The following AKAP13 variants were observed in gnomAD, a reference collection of about 807,000 sequenced individuals.
The protein encoded by AKAP13 is A-kinase anchoring protein 13.
A neutral mutation model predicts 264.5 loss-of-function variants in AKAP13; 80 were observed. The observed-to-expected ratio is 0.30, with a 90% CI of 0.25 to 0.36. The LOEUF (loss-of-function observed/expected upper bound fraction) is 0.36. AKAP13 is among the 10% of genes least tolerant of loss of function. AKAP13 has a pLI of 1.00. For synonymous variants in AKAP13, 1,380 were observed against 1,250.2 expected (o/e 1.10, Z -2.19); for missense variants, 3,712 against 3,435.2 (o/e 1.08, Z -2.01).
At chr15:85,381,476 C>A (rs1294561617) in intron 1 of AKAP13, among the ~76,000 whole-genome samples, 1 of 140,400 alleles carries the variant, frequency 7.1e-6, no homozygotes, top group African/African-American at 2.5e-5. Context: ...TACTTTGATA[C>A]CAAACAAAAC....
chr15:85,390,987 A>T (rs1187751150), intron 1 of AKAP13, among the ~76,000 whole-genome samples: 1 of 152,144 alleles, frequency 6.6e-6, no homozygotes, highest in African/African-American at 2.4e-5. Flanking sequence ...GATGGTCTGG[A>T]CTGGGTGTAT....
chr15:85,719,411 C>T (rs962866983), intron 23 of AKAP13, 85 bp downstream of exon 23: 37 of 1,507,204 alleles, frequency 2.5e-5, no homozygotes, highest in African/African-American at 4.2e-5. Context: ...TTCACATCTT[C>T]TTTCTACCAT....
chr15:85,484,410 C>A (rs1321626105), intron 1 of AKAP13, among the ~76,000 whole-genome samples: 1 of 151,726 alleles, frequency 6.6e-6, no homozygotes, highest in Non-Finnish European at 1.5e-5. Context: ...GGAAAGAGTG[C>A]CCTGAGCCAG....
intron 15 of AKAP13, among the ~76,000 whole-genome samples, chr15:85,683,816 A>C (rs1400979510): frequency 6.6e-6 from 1 of 152,238 alleles, no homozygotes; most frequent in Admixed American, 6.5e-5. Flanking sequence ...TACCTAAGTT[A>C]GAACATGCCC....
chr15:85,677,833 A>G (rs2084334145), intron 14 of AKAP13, among the ~76,000 whole-genome samples: 1 of 151,954 alleles, frequency 6.6e-6, no homozygotes. Flanking sequence ...TATTTTTAGT[A>G]GAGACGGGGT....
At chr15:85,677,025 G>A (rs968376858) in intron 14 of AKAP13, 6 of 985,284 alleles carry the variant, frequency 6.1e-6, no homozygotes, top group African/African-American at 5.2e-5. Flanking sequence ...GCATCTCTCC[G>A]CTCCTCCTTA....
At chr15:85,620,212 G>A in intron 8 of AKAP13, 1 of 1,530,336 alleles carries the variant, frequency 6.5e-7, no homozygotes, top group Non-Finnish European at 8.8e-7. Context: ...AAGCTCTGCA[G>A]GCTGTTTTAG....
intron 16 of AKAP13, chr15:85,691,780 G>A (rs1831626663): frequency 4.3e-6 from 2 of 463,386 alleles, no homozygotes; most frequent in Non-Finnish European, 8.7e-6. Context: ...GGGCACACAG[G>A]AAGCACAAGA....
chr15:85,386,022 T>C (rs1282064248), intron 1 of AKAP13, among the ~76,000 whole-genome samples: 1 of 151,878 alleles, frequency 6.6e-6, no homozygotes, highest in African/African-American at 2.4e-5. Flanking sequence ...ATGGGGCTTT[T>C]CCATGTTGGC....
chr15:85,464,969 C>A (rs1367567729), intron 1 of AKAP13, among the ~76,000 whole-genome samples: 1 of 152,102 alleles, frequency 6.6e-6, no homozygotes, highest in Non-Finnish European at 1.5e-5. Context: ...GAGATGGAGC[C>A]TTGCTCTGTC....
intron 1 of AKAP13, among the ~76,000 whole-genome samples, chr15:85,465,099 C>T (rs1029934409): frequency 3.4e-5 from 5 of 146,348 alleles, no homozygotes; most frequent in Admixed American, 2.1e-4. Flanking sequence ...CACCACCACG[C>T]CTGGCTAATT....
intron 1 of AKAP13, among the ~76,000 whole-genome samples, chr15:85,404,325 T>G (rs1369272364): frequency 1.3e-5 from 2 of 152,228 alleles, no homozygotes; most frequent in Non-Finnish European, 1.5e-5. Flanking sequence ...TAGTAGTTCC[T>G]CATTGCCCAC....
chr15:85,451,613 T>C (rs1174112377), intron 1 of AKAP13, among the ~76,000 whole-genome samples: 2 of 152,258 alleles, frequency 1.3e-5, no homozygotes, highest in East Asian at 1.9e-4. Flanking sequence ...AAGGATCTTA[T>C]TTCTCTTTTG....
intron 8 of AKAP13, among the ~76,000 whole-genome samples, chr15:85,632,768 T>C (rs2081897797): frequency 6.6e-6 from 1 of 152,250 alleles, no homozygotes; most frequent in Non-Finnish European, 1.5e-5. Flanking sequence ...ATAGAGAGTC[T>C]TAGTTGCTTG....
intron 1 of AKAP13, among the ~76,000 whole-genome samples, chr15:85,485,079 A>G (rs2075489686): frequency 6.6e-6 from 1 of 152,250 alleles, no homozygotes; most frequent in Admixed American, 6.5e-5. Context: ...TTTTAAGAAC[A>G]TGCTATTCTT....
At chr15:85,664,488 C>G in intron 12 of AKAP13, 75 bp from the exon 13 acceptor site, 2 of 1,446,298 alleles carry the variant, frequency 1.4e-6, no homozygotes, top group Admixed American at 2.1e-5. Context: ...GAGATATACC[C>G]AAAGGGATTT....
Position 85,533,947 on chromosome 15 carries a change from G to C in AKAP13, c.478+67G>C, listed in dbSNP as rs368936499. The C allele has an allele frequency of 1.9e-5, 28 of 1,465,548 alleles. No homozygotes were observed. In the East Asian group the frequency reaches 2.5e-4, roughly 13 times the overall value. 90.8% of individuals were successfully genotyped at this position (1,465,548 alleles called of 1,614,324 possible). A position where few individuals can be genotyped will look rare whatever the true frequency, so the allele number is the denominator to read the frequency against. ...ATATTTCTACTTTTTTTTTAATGGGGCTACTTTTCTATGGTCATCATATTC... is the reference window on the plus strand; with the variant it reads ...ATATTTCTACTTTTTTTTTAATGGGCCTACTTTTCTATGGTCATCATATTC... On this transcript the variant is annotated intron_variant, in intron 4 of 36. Transcript: ENST00000394518.
chr15:85,463,838 T>C (rs2074620263), intron 1 of AKAP13, among the ~76,000 whole-genome samples: 1 of 152,000 alleles, frequency 6.6e-6, no homozygotes, highest in Admixed American at 6.6e-5. Flanking sequence ...GTGATGTTGC[T>C]GGTGGCAGTG....
chr15:85,618,482 T>C (rs2081038375), intron 8 of AKAP13, among the ~76,000 whole-genome samples: 1 of 152,096 alleles, frequency 6.6e-6, no homozygotes, highest in Admixed American at 6.5e-5. Context: ...TTTTCTTTTG[T>C]TTCTTCACTC....
Sources: allele counts gnomAD v4.1 joint callset (sites outside exome capture counted in the v4.1 genomes callset), GRCh38; gene constraint gnomAD v4.1.1; transcripts MANE v1.5; gene names NCBI Gene and HGNC (gene_info 2026-07-23, HGNC 2026-07-21).